Variants in PRH1 observed in about 807,000 individuals in gnomAD.
PRH1 encodes the protein proline rich protein HaeIII subfamily 1, also known as salivary acidic proline-rich phosphoprotein 1/2.
Under a neutral mutation model 7.9 loss-of-function variants are expected in PRH1, and 7 were observed. The observed-to-expected ratio is 0.89, with a 90% confidence interval of 0.50 to 1.67. PRH1 has a LOEUF of 1.67. Among genes scored for constraint, PRH1 ranks in the 40% most tolerant of loss-of-function variants. PRH1 has a pLI of 0.00. For missense variants in PRH1, 109 were observed against 223.6 expected (o/e 0.49, Z 3.27); for synonymous variants, 45 against 80.8 (o/e 0.56, Z 2.38).
intron 1 of PRH1, among the ~76,000 whole-genome samples, chr12:11,028,805 C>G (rs372155662): frequency 7.4e-4 from 101 of 136,954 alleles, no homozygotes; most frequent in African/African-American, 2.2e-3. Flanking sequence ...ATATTATTGT[C>G]ATATTTCCCC....
rs562793055 is a variant in PRH1 at position 11,130,205 on chromosome 12, T to C, written n.40-9025A>G. On this transcript the variant is annotated intron_variant and non_coding_transcript_variant, in intron 1 of 1. Coordinates refer to the PRH1 transcript ENST00000541175. Reference sequence around the variant, plus strand: ...GGTACAATAATCAGGAAATGGCAAGTTTCTTCAGTATAGTAAAATATTATA... The same window carrying C: ...GGTACAATAATCAGGAAATGGCAAGCTTCTTCAGTATAGTAAAATATTATA... 6.6e-5 allele frequency among the ~76,000 whole-genome samples: 10 copies of C among 152,306 alleles called. No individual in the cohort carries two copies. The South Asian group carries it at 2.1e-3, about 32-fold the overall frequency.
rs184240586 is a variant in PRH1, at chr12:11,096,954, C to T, written n.124-49766G>A. Among the ~76,000 whole-genome samples, 4 of 113,126 alleles carry T rather than the reference C, an allele frequency of 3.5e-5. 1 individual carries two copies. The highest frequency in any genetic ancestry group is 6.2e-5 in the Non-Finnish European group (3 of 48,242). 74.2% of individuals were successfully genotyped at this position (113,126 alleles called of 152,430 possible). ...CTGGGACTACAGGCACCCACCACCACGCTCGGCTAATTTTTTCGTATTTTT... is the reference window on the plus strand; with the variant it reads ...CTGGGACTACAGGCACCCACCACCATGCTCGGCTAATTTTTTCGTATTTTT... On this transcript the variant is annotated intron_variant and non_coding_transcript_variant, in intron 1 of 4. Coordinates refer to the PRH1 transcript ENST00000541977.
intron 1 of PRH1, among the ~76,000 whole-genome samples, chr12:11,098,821 G>A (rs983999999): frequency 3.9e-4 from 60 of 152,034 alleles, no homozygotes; most frequent in Non-Finnish European, 7.8e-4. Context: ...TCATAAATAT[G>A]AACACAAATA....
chr12:11,014,467 T>C (rs1591812379), intron 1 of PRH1, among the ~76,000 whole-genome samples: 1 of 152,074 alleles, frequency 6.6e-6, no homozygotes, highest in African/African-American at 2.4e-5. Flanking sequence ...GATGACAGCA[T>C]CAGCTTCTTG....
chr12:10,904,953 C>G (rs1565461531), intron 2 of PRH1, among the ~76,000 whole-genome samples: 1 of 150,514 alleles, frequency 6.6e-6, no homozygotes, highest in Non-Finnish European at 1.5e-5. Flanking sequence ...TAGAGACACG[C>G]AAATCAAAAC....
At chr12:11,043,024 T>C (rs1327264221) in intron 1 of PRH1, among the ~76,000 whole-genome samples, 2 of 152,170 alleles carry the variant, frequency 1.3e-5, no homozygotes, top group African/African-American at 4.8e-5. Flanking sequence ...CTGATGAACA[T>C]TGATGCTAAA....
intron 1 of PRH1, among the ~76,000 whole-genome samples, chr12:11,137,663 T>G (rs1485687223): frequency 6.6e-6 from 1 of 152,214 alleles, no homozygotes; most frequent in Non-Finnish European, 1.5e-5. Flanking sequence ...GCTTAAGCAA[T>G]GTATTGTAAA....
intron 1 of PRH1, chr12:11,022,342 C>G (rs953184832): frequency 6.2e-7 from 1 of 1,613,924 alleles, no homozygotes; most frequent in African/African-American, 1.3e-5. Context: ...TACTTCTAAA[C>G]CATATAAAGC....
Position 10,889,611 on chromosome 12 carries a change from C to A in PRH1, c.-58-5336G>T, listed in dbSNP as rs1949542182. Among the ~76,000 whole-genome samples, 2 of 152,094 alleles carry A rather than the reference C, an allele frequency of 1.3e-5. 1 individual carries two copies. The highest frequency in any genetic ancestry group is 4.1e-4 in the South Asian group (2 of 4,830). ...TCTCTGAGTCCTTTTTCAACATCAA[C>A]CTCTTCTGCTTTTCTGAAACTCAGA... On this transcript the variant is annotated intron_variant, in intron 2 of 3. Transcript: ENST00000539853.
At chr12:11,071,942 G>T (rs1218144729) in intron 1 of PRH1, among the ~76,000 whole-genome samples, 2 of 152,130 alleles carry the variant, frequency 1.3e-5, no homozygotes, top group African/African-American at 4.8e-5. Context: ...TTAAAGGCAG[G>T]ACTCTTTGTG....
intron 2 of PRH1, among the ~76,000 whole-genome samples, chr12:10,916,012 A>G (rs556686243): frequency 6.6e-6 from 1 of 152,326 alleles, no homozygotes; most frequent in Admixed American, 6.5e-5. Context: ...CATACACAAG[A>G]CTAAGTAATT....
chr12:11,077,890 A>G, intron 1 of PRH1: 3 of 995,314 alleles, frequency 3.0e-6, no homozygotes, highest in East Asian at 2.4e-5. Context: ...TAGGTGGAGA[A>G]AAATAAGGTT....
chr12:10,980,083 G>A (rs934079960), intron 1 of PRH1, among the ~76,000 whole-genome samples: 4 of 152,090 alleles, frequency 2.6e-5, no homozygotes, highest in African/African-American at 7.2e-5. Context: ...TCAGCACACA[G>A]AAAGTAAGGC....
chr12:11,067,550 T>TC (rs1189142805), intron 1 of PRH1, among the ~76,000 whole-genome samples: 5 of 152,182 alleles, frequency 3.3e-5, no homozygotes, highest in Non-Finnish European at 7.4e-5. Context: ...GTCTTCTTTT[T>TC]AAAAAAATAT....
intron 1 of PRH1, among the ~76,000 whole-genome samples, chr12:10,987,860 C>T (rs1939730563): frequency 6.6e-6 from 1 of 152,060 alleles, no homozygotes; most frequent in Non-Finnish European, 1.5e-5. Context: ...CATAATTTTG[C>T]AGTATCCTCC....
chr12:11,069,819 C>T (rs1262286822), intron 1 of PRH1, among the ~76,000 whole-genome samples: 2 of 152,186 alleles, frequency 1.3e-5, no homozygotes, highest in African/African-American at 2.4e-5. Flanking sequence ...CAGGACTGAG[C>T]CAATTCCAAG....
intron 1 of PRH1, among the ~76,000 whole-genome samples, chr12:11,164,546 A>G (rs1405459700): frequency 6.6e-6 from 1 of 152,190 alleles, no homozygotes; most frequent in Non-Finnish European, 1.5e-5. Flanking sequence ...AGAGGATGCA[A>G]GTAGCTGACA....
At chr12:11,153,184 C>T (rs564658676) in intron 1 of PRH1, among the ~76,000 whole-genome samples, 5 of 152,058 alleles carry the variant, frequency 3.3e-5, no homozygotes, top group Non-Finnish European at 5.9e-5. Flanking sequence ...GAATAGGGTT[C>T]GTTGCTGACT....
chr12:11,062,484 C>T (rs948909673), intron 1 of PRH1, among the ~76,000 whole-genome samples: 5 of 152,162 alleles, frequency 3.3e-5, no homozygotes, highest in East Asian at 1.9e-4. Context: ...GTAAGTTCAA[C>T]GCTCTCTTTA....
Sources: gnomAD v4.1 joint callset for allele counts (sites outside exome capture counted in the v4.1 genomes callset) on GRCh38, gnomAD v4.1.1 for gene constraint, MANE v1.5 for transcripts, NCBI Gene and HGNC (gene_info 2026-07-23, HGNC 2026-07-21) for gene names.